Variants in CDYL observed in about 807,000 individuals in gnomAD.
CDYL encodes the protein chromodomain Y like.
A neutral mutation model predicts 47.3 loss-of-function variants in CDYL; 8 were observed. That is an observed-to-expected ratio of 0.17 (90% CI 0.10 to 0.31). The LOEUF (loss-of-function observed/expected upper bound fraction) is 0.31, where lower values mean the gene tolerates loss of function less well. Ranked by LOEUF, CDYL falls within the 10% of genes least tolerant of loss-of-function variation. The pLI is 1.00. For synonymous variants in CDYL, 266 were observed against 265.0 expected (o/e 1.00, Z -0.04); for missense variants, 471 against 701.4 (o/e 0.67, Z 3.71).
intron 3 of CDYL, among the ~76,000 whole-genome samples, chr6:4,758,431 CG>C (rs1477263478): frequency 6.6e-6 from 1 of 150,644 alleles, no homozygotes; most frequent in African/African-American, 2.5e-5. Flanking sequence ...GAGGCAGAGA[CG>C]GGTGGATCAC....
At chr6:4,872,556 A>G (rs931638396) in intron 1 of CDYL, among the ~76,000 whole-genome samples, 12 of 151,728 alleles carry the variant, frequency 7.9e-5, no homozygotes, top group Non-Finnish European at 1.8e-4. Context: ...AATCTTTTGT[A>G]TTTAGTAGAC....
At chr6:4,906,470 C>T (rs1757240119) in intron 2 of CDYL, among the ~76,000 whole-genome samples, 2 of 152,302 alleles carry the variant, frequency 1.3e-5, no homozygotes, top group Admixed American at 1.3e-4. Context: ...GTACCTGCTT[C>T]ATGACAGTAC....
At chr6:4,952,696 A>G (rs1051323352) in intron 6 of CDYL, among the ~76,000 whole-genome samples, 2 of 152,126 alleles carry the variant, frequency 1.3e-5, no homozygotes, top group African/African-American at 2.4e-5. Flanking sequence ...ATAATTCTTT[A>G]CTGGTTCCAA....
chr6:4,830,092 CT>C (rs5873955), intron 1 of CDYL, among the ~76,000 whole-genome samples: 2,451 of 152,306 alleles, frequency 0.016, 72 homozygotes, highest in African/African-American at 0.056. Context: ...AAGTCTGCCC[CT>C]GTCTGTACAT....
At chr6:4,734,996 G>A in intron 3 of CDYL, 3 of 1,366,476 alleles carry the variant, frequency 2.2e-6, no homozygotes, top group Non-Finnish European at 2.9e-6. Flanking sequence ...TCCTTAGAAT[G>A]ATGTTTTTGG....
rs111847963 is a variant in CDYL, at chr6:4,869,796, T to C, written c.25-21917T>C. ...TTATACAGAATGTGTTAAATGTGCATAGTGTTGTAATTAATGCTTTATACA... is the reference window on the plus strand; with the variant it reads ...TTATACAGAATGTGTTAAATGTGCACAGTGTTGTAATTAATGCTTTATACA... On this transcript the variant is annotated intron_variant, in intron 1 of 6. Coordinates refer to ENST00000397588, the MANE Select transcript of CDYL (RefSeq NM_004824.4). Among the ~76,000 whole-genome samples, 320 of 152,304 alleles carry C rather than the reference T, an allele frequency of 2.1e-3. 1 individual carries two copies. Among genetic ancestry groups the C allele is most frequent in the African/African-American group, 7.0e-3 (290 of 41,566 alleles).
chr6:4,859,715 C>T (rs1761108986), intron 1 of CDYL, among the ~76,000 whole-genome samples: 1 of 152,096 alleles, frequency 6.6e-6, no homozygotes, highest in Non-Finnish European at 1.5e-5. Flanking sequence ...TGCTTTCTAA[C>T]TTAGATGTTT....
intron 4 of CDYL, among the ~76,000 whole-genome samples, chr6:4,938,499 G>T (rs1167156567): frequency 2.0e-5 from 3 of 152,102 alleles, no homozygotes; most frequent in Admixed American, 2.0e-4. Context: ...GTACAACATG[G>T]TGTATTGAAA....
intron 3 of CDYL, among the ~76,000 whole-genome samples, chr6:4,749,992 G>C (rs746588509): frequency 6.6e-6 from 1 of 152,050 alleles, no homozygotes; most frequent in African/African-American, 2.4e-5. Context: ...CCATAATTTG[G>C]AGCACGTCTC....
intron 2 of CDYL, among the ~76,000 whole-genome samples, chr6:4,897,932 C>T (rs529133935): frequency 6.6e-6 from 1 of 152,188 alleles, no homozygotes; most frequent in South Asian, 2.1e-4. Flanking sequence ...TGGCAGGTGC[C>T]TGTAGTCCCA....
At chr6:4,717,506 G>C (rs768678228) in intron 2 of CDYL, among the ~76,000 whole-genome samples, 17 of 151,708 alleles carry the variant, frequency 1.1e-4, no homozygotes, top group Non-Finnish European at 8.8e-5. Flanking sequence ...GCAACAGCCT[G>C]GCCAACAATG....
At chr6:4,800,613 A>G (rs1188229704) in intron 1 of CDYL, among the ~76,000 whole-genome samples, 1 of 152,286 alleles carries the variant, frequency 6.6e-6, no homozygotes. Context: ...TTCTTGTTAT[A>G]GATCTACCAA....
At chr6:4,835,560 A>C (rs1016574782) in intron 1 of CDYL, among the ~76,000 whole-genome samples, 6 of 152,242 alleles carry the variant, frequency 3.9e-5, no homozygotes, top group African/African-American at 1.4e-4. Context: ...GCCAGTTCTC[A>C]GATCTCCAGC....
At chr6:4,906,600 T>G (rs758469248) in intron 2 of CDYL, among the ~76,000 whole-genome samples, 11 of 152,214 alleles carry the variant, frequency 7.2e-5, no homozygotes, top group Non-Finnish European at 1.6e-4. Context: ...TGAACCACTC[T>G]TTTATTATGG....
intron 1 of CDYL, among the ~76,000 whole-genome samples, chr6:4,793,242 T>C (rs1037570681): frequency 1.4e-4 from 21 of 152,310 alleles, no homozygotes; most frequent in African/African-American, 5.1e-4. Context: ...TCTGTGGCAC[T>C]GGAGATATAG....
At chr6:4,945,390 C>T (rs558437654) in intron 5 of CDYL, among the ~76,000 whole-genome samples, 2 of 152,230 alleles carry the variant, frequency 1.3e-5, no homozygotes, top group African/African-American at 4.8e-5. Flanking sequence ...CAGACTGTGT[C>T]CCCCAGTGCC....
intron 1 of CDYL, among the ~76,000 whole-genome samples, chr6:4,812,326 T>C (rs1160619177): frequency 6.6e-6 from 1 of 152,198 alleles, no homozygotes; most frequent in Non-Finnish European, 1.5e-5. Context: ...ACTTCCCCAT[T>C]GAAGGACATT....
chr6:4,947,594 G>A (rs554045248), intron 5 of CDYL, among the ~76,000 whole-genome samples: 1 of 152,292 alleles, frequency 6.6e-6, no homozygotes, highest in African/African-American at 2.4e-5. Context: ...CACCTGGCCT[G>A]TTGGGGGGTG....
At chr6:4,849,682 G>GA (rs74855632) in intron 1 of CDYL, among the ~76,000 whole-genome samples, 43,040 of 136,860 alleles carry the variant, frequency 0.31, 7,379 homozygotes, top group African/African-American at 0.5. Flanking sequence ...GTCATGCCAG[G>GA]AAAAAAAAAA....
Sources: gnomAD v4.1 joint callset for allele counts (sites outside exome capture counted in the v4.1 genomes callset) on GRCh38, gnomAD v4.1.1 for gene constraint, MANE v1.5 for transcripts, NCBI Gene and HGNC (gene_info 2026-07-23, HGNC 2026-07-21) for gene names.